ATP6V1E1: variants seen among roughly 807,000 people sequenced by gnomAD.
The protein encoded by ATP6V1E1 is V-type proton ATPase subunit E 1.
A neutral mutation model predicts 35.2 loss-of-function variants in ATP6V1E1; 21 were observed. The observed-to-expected ratio is 0.60, with a 90% CI of 0.42 to 0.86. ATP6V1E1 has a LOEUF of 0.86. Ranked by LOEUF, ATP6V1E1 falls within the 40% of genes least tolerant of loss-of-function variation. The pLI, the probability that ATP6V1E1 is intolerant of heterozygous loss-of-function variation, is 0.00. For missense variants in ATP6V1E1, 183 were observed against 272.6 expected (o/e 0.67, Z 2.32); for synonymous variants, 83 against 87.8 (o/e 0.95, Z 0.30).
In ATP6V1E1 at chr22:17,628,717, C is replaced by G. The variant is rs918529486; in HGVS notation, c.-82G>C. ...AGGTGAGAGAAATCGGCAAAGGGAACCCCTGCGCAGATCTCGGGTTCCTTT... is the reference window on the plus strand; with the variant it reads ...AGGTGAGAGAAATCGGCAAAGGGAAGCCCTGCGCAGATCTCGGGTTCCTTT... On this transcript the variant is annotated 5_prime_UTR_variant, in exon 1 of 9. Transcript: ENST00000253413. 4 of 1,582,250 alleles carry G rather than the reference C, an allele frequency of 2.5e-6. No individual in the cohort carries two copies. In the East Asian group the frequency reaches 6.7e-5, roughly 27 times the overall value.
chr22:17,628,766 TC>T (rs2057942235), upstream of ATP6V1E1: 2 of 1,245,958 alleles, frequency 1.6e-6, no homozygotes, highest in East Asian at 2.4e-5. Context: ...GGGTTCCGGT[TC>T]CTGCCAGGTG....
chr22:17,624,283 C>CA (rs1486832463), intron 1 of ATP6V1E1, among the ~76,000 whole-genome samples: 1 of 152,172 alleles, frequency 6.6e-6, no homozygotes, highest in Non-Finnish European at 1.5e-5. Flanking sequence ...AGGCCGGGTG[C>CA]AGTGGCTGAC....
At chr22:17,599,932 A>T in intron 6 of ATP6V1E1, 95 bp downstream of exon 6, 4 of 1,028,062 alleles carry the variant, frequency 3.9e-6, no homozygotes, top group Non-Finnish European at 5.7e-6. Context: ...CCAAAAAAAA[A>T]AGAAAAGGAA....
Position 17,626,345 on chromosome 22 carries a change from C to T in ATP6V1E1, c.33+2258G>A, listed in dbSNP as rs931157567. On this transcript the variant is annotated intron_variant, in intron 1 of 8. Transcript: ENST00000253413. Reference sequence around the variant, plus strand: ...AAAAAAAAAGAAAGAAAAGAAAAAGCGGTCTTCCATTTGACACAATTTTGT... The same window carrying T: ...AAAAAAAAAGAAAGAAAAGAAAAAGTGGTCTTCCATTTGACACAATTTTGT... 4.9e-5 allele frequency among the ~76,000 whole-genome samples: 7 copies of T among 142,466 alleles called. No homozygotes were observed. In the East Asian group the frequency reaches 6.0e-4, roughly 12 times the overall value. The allele number at this position is 142,466 out of a possible 152,430, so 93.5% of individuals were successfully genotyped here. A position where few individuals can be genotyped will look rare whatever the true frequency, so the allele number is the denominator to read the frequency against.
At position 17,605,572 on chromosome 22, in the gene ATP6V1E1, T is replaced by C. The variant is rs531442671; in HGVS notation, c.277-4391A>G. ...AAGAAAACTTGTAAGTTTTGCGGTT[T>C]GGGGAAATGATAATAAAGAACTATC... On this transcript the variant is annotated intron_variant, in intron 4 of 8. Transcript: ENST00000253413. Among the ~76,000 whole-genome samples, 3 of 152,200 alleles carry C rather than the reference T, an allele frequency of 2.0e-5. No individual in the cohort carries two copies. The East Asian group carries it at 5.8e-4, about 29-fold the overall frequency.
chr22:17,606,157 T>C (rs1254176274), intron 4 of ATP6V1E1, among the ~76,000 whole-genome samples: 1 of 152,208 alleles, frequency 6.6e-6, no homozygotes, highest in Non-Finnish European at 1.5e-5. Flanking sequence ...TAAAGGATTA[T>C]GCAACTTAGA....
At chr22:17,613,090 T>C in intron 3 of ATP6V1E1, 121 bp downstream of exon 3, 2 of 906,000 alleles carry the variant, frequency 2.2e-6, no homozygotes, top group Non-Finnish European at 3.4e-6. Flanking sequence ...GTTAAACAAT[T>C]TGTCAGATTA....
At chr22:17,618,681 C>CAA (rs796136446) in intron 2 of ATP6V1E1, among the ~76,000 whole-genome samples, 104 of 71,956 alleles carry the variant, frequency 1.4e-3, no homozygotes, top group East Asian at 4.1e-3. Context: ...GACTCCATCT[C>CAA]AAAAAAAAAA....
chr22:17,598,151 C>T, intron 7 of ATP6V1E1, 43 bp downstream of exon 7: 2 of 1,507,250 alleles, frequency 1.3e-6, no homozygotes, highest in Non-Finnish European at 1.8e-6. Context: ...GGCCACTCTC[C>T]CAGGGAGAGA....
intron 1 of ATP6V1E1, among the ~76,000 whole-genome samples, chr22:17,621,194 G>T (rs987929534): frequency 2.6e-5 from 4 of 151,200 alleles, no homozygotes; most frequent in Non-Finnish European, 5.9e-5. Context: ...CGCTATTCTT[G>T]TTGTTTCTAA....
At chr22:17,612,509 T>C in intron 4 of ATP6V1E1, 1 of 255,044 alleles carries the variant, frequency 3.9e-6, no homozygotes, top group Admixed American at 5.3e-5. Flanking sequence ...CTCACACTCA[T>C]GGCCTCTGTA....
chr22:17,619,680 G>A (rs539430332), intron 1 of ATP6V1E1, among the ~76,000 whole-genome samples, 154 bp from the exon 2 acceptor site: 1 of 152,134 alleles, frequency 6.6e-6, no homozygotes, highest in African/African-American at 2.4e-5. Flanking sequence ...TAGGCCAGGA[G>A]GTGGAGACTA....
At position 17,613,290 on chromosome 22, in the gene ATP6V1E1, G is replaced by A. The variant is rs753477779; in HGVS notation, c.130C>T (p.Arg44Trp). ...AEEEFNIEKG[R>W]LVQTQRLKIM... is the part of the protein sequence containing the mutation. ...TTTAGTCTTTGGGTTTGCACAAGCC[G>A]ACCTTTCTCTATGTTGAACTCTTCT... is the stretch of plus-strand genomic sequence containing the variant. The change falls in exon 3 of 9, where the codon CGG (arginine) becomes TGG (tryptophan). Residue 44 changes from arginine to tryptophan, a missense_variant. Transcript: ENST00000253413. 3.1e-6 allele frequency: 5 copies of A among 1,613,590 alleles called. No homozygotes were observed. The highest frequency in any genetic ancestry group is 2.5e-6 in the Non-Finnish European group (3 of 1,179,860).
intron 2 of ATP6V1E1, chr22:17,619,087 A>T (rs1302095948): frequency 8.8e-6 from 4 of 455,434 alleles, no homozygotes; most frequent in South Asian, 6.2e-5. Flanking sequence ...AGGTCAAGAG[A>T]TTGAGACCAT....
chr22:17,621,280 A>G (rs1238896970), intron 1 of ATP6V1E1, among the ~76,000 whole-genome samples: 1 of 152,144 alleles, frequency 6.6e-6, no homozygotes, highest in Non-Finnish European at 1.5e-5. Context: ...CCCGCTTAAG[A>G]TAAAGATTTT....
chr22:17,613,393 G>T, intron 2 of ATP6V1E1, 73 bp from the exon 3 acceptor site: 3 of 1,209,976 alleles, frequency 2.5e-6, no homozygotes, highest in Non-Finnish European at 3.6e-6. Flanking sequence ...CTGGTGACCT[G>T]CGTTACTTGC....
At chr22:17,613,389 A>C (rs1278003448) in intron 2 of ATP6V1E1, 69 bp from the exon 3 acceptor site, 35 of 1,288,064 alleles carry the variant, frequency 2.7e-5, no homozygotes, top group Non-Finnish European at 3.6e-5. Context: ...ACAGCTGGTG[A>C]CCTGCGTTAC....
chr22:17,593,782 C>T (rs1387476835), intron 8 of ATP6V1E1, among the ~76,000 whole-genome samples: 1 of 152,180 alleles, frequency 6.6e-6, no homozygotes, highest in African/African-American at 2.4e-5. Flanking sequence ...AATAGACTCC[C>T]ACTAGAAGTC....
At chr22:17,612,641 T>C (rs2057820986) in intron 4 of ATP6V1E1, 171 bp downstream of exon 4, 1 of 627,046 alleles carries the variant, frequency 1.6e-6, no homozygotes, top group Non-Finnish European at 2.7e-6. Context: ...CAGAAGGTCC[T>C]TCAATACAGG....
Sources: allele counts gnomAD v4.1 joint callset (sites outside exome capture counted in the v4.1 genomes callset), GRCh38; gene constraint gnomAD v4.1.1; transcripts MANE v1.5; gene names NCBI Gene and HGNC (gene_info 2026-07-23, HGNC 2026-07-21).